The following MAPT variants were observed in gnomAD, a reference collection of about 807,000 sequenced individuals.
MAPT encodes microtubule-associated protein tau.
MAPT carries 34 observed loss-of-function variants against 67.9 expected under a neutral mutation model. The ratio of observed to expected loss-of-function variants is 0.50; its 90% CI spans 0.38 to 0.67. The LOEUF (loss-of-function observed/expected upper bound fraction) is 0.67. Among genes scored for constraint, MAPT ranks in the 30% least tolerant of loss-of-function variants. The probability of loss-of-function intolerance (pLI) is 0.00; values close to 1 mark genes in which losing one functional copy is unlikely to be tolerated. For missense variants in MAPT, 881 were observed against 1,115.2 expected, an observed-to-expected ratio of 0.79 and a Z score of 2.99; for synonymous variants, 456 against 464.5, an observed-to-expected ratio of 0.98 and a Z score of 0.23.
chr17:45,955,927 G>T (rs2069601019), intron 1 of MAPT, among the ~76,000 whole-genome samples: 1 of 152,156 alleles, frequency 6.6e-6, no homozygotes, highest in Non-Finnish European at 1.5e-5. Flanking sequence ...GTAGAGACGG[G>T]GTTTCCCTAT....
At chr17:45,918,931 G>A (rs1338342927) in intron 1 of MAPT, among the ~76,000 whole-genome samples, 1 of 151,972 alleles carries the variant, frequency 6.6e-6, no homozygotes, top group Non-Finnish European at 1.5e-5. Context: ...CCATGGTGGT[G>A]TGCGCCTGGA....
At chr17:46,017,204 T>C (rs2076236939) in intron 11 of MAPT, among the ~76,000 whole-genome samples, 1 of 152,254 alleles carries the variant, frequency 6.6e-6, no homozygotes, top group African/African-American at 2.4e-5. Context: ...TGGAAAGTCC[T>C]GTGGGCTGTC....
chr17:45,931,224 C>T (rs926607679), intron 1 of MAPT, among the ~76,000 whole-genome samples: 1 of 152,116 alleles, frequency 6.6e-6, no homozygotes, highest in Non-Finnish European at 1.5e-5. Context: ...CCATTTGACA[C>T]CCAGCGCTGA....
In MAPT at chr17:45,998,129, G is replaced by A. The variant is rs542966835; in HGVS notation, c.1998+1465G>A. ...CTGCGTGTCAGCTTGCCTCCCCCAC[G>A]CAGGCGCTCTCCACACCATTGAAGT... is the stretch of plus-strand genomic sequence containing the variant. On this transcript the variant is annotated intron_variant, in intron 9 of 12. Coordinates refer to ENST00000262410, the MANE Select transcript of MAPT (RefSeq NM_001377265.1). Among the ~76,000 whole-genome samples the A allele has an allele frequency of 2.0e-4, 30 of 152,198 alleles. No individual in the cohort carries two copies. In the South Asian group the frequency reaches 2.1e-3, roughly 11 times the overall value.
chr17:46,004,129 C>T (rs118161002), intron 9 of MAPT, among the ~76,000 whole-genome samples: 4 of 152,272 alleles, frequency 2.6e-5, no homozygotes, highest in African/African-American at 4.8e-5. Flanking sequence ...CACAGCACAG[C>T]GAGCACCAGG....
At chr17:45,985,589 T>C (rs2073459424) in intron 5 of MAPT, 1 of 660,552 alleles carries the variant, frequency 1.5e-6, no homozygotes, top group South Asian at 6.7e-5. Context: ...CTAATGGCCA[T>C]TGTGACCCTC....
At chr17:45,895,758 C>T (rs1466145127) in intron 1 of MAPT, 1 of 152,446 alleles carries the variant, frequency 6.6e-6, no homozygotes, top group African/African-American at 2.4e-5. Context: ...GCCCCCAGCC[C>T]CCCTTTTTTT....
chr17:45,981,529 G>T (rs569259220), intron 4 of MAPT, among the ~76,000 whole-genome samples: 75 of 152,294 alleles, frequency 4.9e-4, no homozygotes, highest in African/African-American at 1.8e-3. Flanking sequence ...TCCCACGGGG[G>T]CCTACCTCAC....
chr17:46,002,564 T>A (rs2075087670), intron 9 of MAPT, among the ~76,000 whole-genome samples: 2 of 151,976 alleles, frequency 1.3e-5, no homozygotes, highest in South Asian at 4.2e-4. Flanking sequence ...AGTCACTTTC[T>A]CGGAGGATGT....
At chr17:45,932,886 A>G (rs2066971950) in intron 1 of MAPT, among the ~76,000 whole-genome samples, 2 of 152,106 alleles carry the variant, frequency 1.3e-5, no homozygotes, top group African/African-American at 2.4e-5. Flanking sequence ...GTTCGAGACC[A>G]GCCTAACCAA....
chr17:45,911,202 G>GC (rs1454264348), intron 1 of MAPT, among the ~76,000 whole-genome samples: 7 of 152,122 alleles, frequency 4.6e-5, no homozygotes, highest in Non-Finnish European at 4.4e-5. Flanking sequence ...TCCCTCACTC[G>GC]CCCATCGCAG....
intron 1 of MAPT, among the ~76,000 whole-genome samples, chr17:45,941,530 C>T (rs2067853880): frequency 1.3e-5 from 2 of 151,986 alleles, no homozygotes; most frequent in African/African-American, 4.8e-5. Flanking sequence ...AACTTCATTT[C>T]CTCTTCTGTG....
At chr17:46,021,145 G>C (rs2076501915) in intron 12 of MAPT, among the ~76,000 whole-genome samples, 1 of 152,256 alleles carries the variant, frequency 6.6e-6, no homozygotes, top group South Asian at 2.1e-4. Flanking sequence ...CCTTGCTGCA[G>C]ATGCTGCGAA....
chr17:45,965,227 C>G (rs180793575), intron 2 of MAPT, among the ~76,000 whole-genome samples: 3 of 151,774 alleles, frequency 2.0e-5, no homozygotes, highest in Admixed American at 1.3e-4. Context: ...GTCAGGAGTT[C>G]GAGACCAGCC....
intron 2 of MAPT, among the ~76,000 whole-genome samples, chr17:45,963,263 C>T (rs895951082): frequency 6.6e-6 from 1 of 152,204 alleles, no homozygotes; most frequent in Non-Finnish European, 1.5e-5. Flanking sequence ...TTGACTTCGC[C>T]TCTTCCTCTC....
Position 45,915,627 on chromosome 17 carries a change from T to C in MAPT, c.-18+20941T>C, listed in dbSNP as rs909384265. ...CTGTGAGCATGTGTGAGTGTGTGTG[T>C]GTTCAGCATATATAAGGCATGTAAC... On this transcript the variant is annotated intron_variant, in intron 1 of 12. Transcript: ENST00000262410. The surrounding 1 kb of genome is among the most constrained non-coding windows in gnomAD (Gnocchi z 4.4). 5.3e-5 allele frequency among the ~76,000 whole-genome samples: 8 copies of C among 152,022 alleles called. No homozygotes were observed. The highest frequency in any genetic ancestry group is 1.7e-4 in the African/African-American group (7 of 41,368).
chr17:46,026,102 AAAAAG>A lies in MAPT; in HGVS notation c.*1932_*1936del, dbSNP rs1454915585. Reference sequence around the variant, plus strand: ...GATAGTGAAAAGAAAAAAAAAAAAAAAAAAGGACGCATGTATCTTGAAATGCTTGT... The same window carrying A: ...GATAGTGAAAAGAAAAAAAAAAAAAAGACGCATGTATCTTGAAATGCTTGT... On this transcript the variant is annotated 3_prime_UTR_variant, in exon 13 of 13. Coordinates refer to ENST00000262410, the MANE Select transcript of MAPT (RefSeq NM_001377265.1). 2.6e-5 allele frequency: 4 copies of A among 152,262 alleles called. No individual in the cohort carries two copies. Among genetic ancestry groups the A allele is most frequent in the Non-Finnish European group, 5.9e-5 (4 of 67,970 alleles). 9.4% of individuals were successfully genotyped at this position (152,262 alleles called of 1,614,324 possible).
intron 8 of MAPT, among the ~76,000 whole-genome samples, chr17:45,992,604 C>G (rs78599197): frequency 0.15 from 22,073 of 152,054 alleles, 2,145 homozygotes; most frequent in Non-Finnish European, 0.22. Flanking sequence ...TAAGAACAGT[C>G]GCGGCTGGGC....
intron 1 of MAPT, chr17:45,908,094 G>A (rs1473650181): frequency 6.6e-6 from 1 of 152,268 alleles, no homozygotes; most frequent in Non-Finnish European, 1.5e-5. Flanking sequence ...TATGTAACAT[G>A]AGCCTGGAGA....
Sources: allele counts gnomAD v4.1 joint callset (sites outside exome capture counted in the v4.1 genomes callset), GRCh38; gene constraint gnomAD v4.1.1; non-coding constraint Gnocchi (gnomAD v3.1); transcripts MANE v1.5; gene names NCBI Gene and HGNC (gene_info 2026-07-23, HGNC 2026-07-21).